Variants in ANKRD23 observed in about 807,000 individuals in gnomAD.
ANKRD23 encodes ankyrin repeat domain 23.
Under a neutral mutation model 38.1 loss-of-function variants are expected in ANKRD23, and 52 were observed. The observed-to-expected ratio is 1.36, with a 90% CI of 1.09 to 1.72. The LOEUF is 1.72. ANKRD23 is among the 40% of genes most tolerant of loss of function. The pLI is 0.00. For synonymous variants in ANKRD23, 167 were observed against 162.9 expected (o/e 1.03, Z -0.19); for missense variants, 416 against 400.2 (o/e 1.04, Z -0.34).
In ANKRD23 at chr2:96,840,764, C is replaced by T. The variant is rs772811646; in HGVS notation, c.426+23G>A. On this transcript the variant is annotated intron_variant, in intron 4 of 8. Transcript: ENST00000318357. Reference sequence around the variant, plus strand: ...CTCCTGCAGCTGCAGCTGCTGCCAGCCGACTCACCCAACCTGTGCTACCTT... The same window carrying T: ...CTCCTGCAGCTGCAGCTGCTGCCAGTCGACTCACCCAACCTGTGCTACCTT... 15 of 1,613,176 alleles carry T rather than the reference C, an allele frequency of 9.3e-6. No individual in the cohort carries two copies. In the South Asian group the frequency reaches 1.6e-4, roughly 18 times the overall value.
In ANKRD23 at chr2:96,842,426, C is replaced by G. The variant is rs199984935; in HGVS notation, c.113G>C (p.Arg38Thr). The change falls in exon 2 of 9, where the codon AGG becomes ACG. Residue 38 changes from arginine to threonine, a missense_variant. Transcript: ENST00000318357. ...CCGGGCCACAGCCTCTTGGGGGCCC[C>G]TCCTCCAGTCACTAGGCCAGGCTCC... ...DPGAWPSDWR[R>T]GPQEAVAREK... The G allele has an allele frequency of 6.2e-7, 1 of 1,614,088 alleles. No individual in the cohort carries two copies. The highest frequency in any genetic ancestry group is 1.3e-5 in the African/African-American group (1 of 74,988).
At chr2:96,841,985 C>T in intron 3 of ANKRD23, 75 bp downstream of exon 3, 1 of 1,599,450 alleles carries the variant, frequency 6.3e-7, no homozygotes, top group Non-Finnish European at 8.5e-7. Flanking sequence ...CTGCAGTGCC[C>T]ACTCTGCCCC....
intron 3 of ANKRD23, 116 bp downstream of exon 3, chr2:96,841,944 G>C: frequency 1.4e-6 from 2 of 1,463,726 alleles, no homozygotes; most frequent in South Asian, 2.5e-5. Context: ...GATTTAATGG[G>C]CTCCCCAGGC....
chr2:96,842,024 G>T, intron 3 of ANKRD23, 36 bp downstream of exon 3: 2 of 1,612,784 alleles, frequency 1.2e-6, no homozygotes, highest in Non-Finnish European at 1.7e-6. Context: ...TGGAGCCCTG[G>T]TGTGTGCACT....
chr2:96,839,451 A>G lies in ANKRD23; in HGVS notation c.*98T>C, dbSNP rs2079731430. 7.4e-7 allele frequency: 1 copy of G among 1,358,118 alleles called. No individual in the cohort carries two copies. Among genetic ancestry groups the G allele is most frequent in the East Asian group, 2.9e-5 (1 of 35,076 alleles). 84.1% of individuals were successfully genotyped at this position (1,358,118 alleles called of 1,614,324 possible). On this transcript the variant is annotated 3_prime_UTR_variant, in exon 9 of 9. Transcript: ENST00000318357. ...GGCACAGGCCAGAGAGGGAGGAACC[A>G]GGGCTGAGGGCAGGAACCACAGAGG...
At position 96,840,042 on chromosome 2, in the gene ANKRD23, C is replaced by T. The variant is rs1453608903; in HGVS notation, c.678G>A (p.Leu226=). ...VAVRTRHPDC[L]EHLIECGAHL... ...GGGCGCCACACTCGATGAGGTGCTC[C>T]AGGCAGTCGGGGTGCCGGGTGCGCA... The change falls in exon 7 of 9, where the codon CTG becomes CTA. Residue 226 remains leucine, a synonymous_variant. Transcript: ENST00000318357. 1 of 1,562,914 alleles carries T rather than the reference C, an allele frequency of 6.4e-7. No homozygotes were observed. Among genetic ancestry groups the T allele is most frequent in the Non-Finnish European group, 8.7e-7 (1 of 1,152,956 alleles).
At chr2:96,842,645 C>G in intron 1 of ANKRD23, 134 bp from the exon 2 acceptor site, 1 of 1,124,200 alleles carries the variant, frequency 8.9e-7, no homozygotes, top group Non-Finnish European at 1.2e-6. Flanking sequence ...GAGCCGGCCT[C>G]AAAGCTCCTG....
At chr2:96,841,713 C>T (rs2079763794) in intron 3 of ANKRD23, among the ~76,000 whole-genome samples, 1 of 152,010 alleles carries the variant, frequency 6.6e-6, no homozygotes, top group South Asian at 2.1e-4. Flanking sequence ...CATCTACAAG[C>T]CAAGGAACGC....
chr2:96,841,424 A>G (rs1360568197), intron 3 of ANKRD23, among the ~76,000 whole-genome samples: 2 of 151,768 alleles, frequency 1.3e-5, no homozygotes, highest in African/African-American at 2.4e-5. Context: ...GTGAAACCCC[A>G]TCTCTACTAA....
In ANKRD23 at chr2:96,839,172, A is replaced by G. The variant is rs2079727742; in HGVS notation, c.*377T>C. 6 of 1,024,720 alleles carry G rather than the reference A, an allele frequency of 5.9e-6. No individual in the cohort carries two copies. The highest frequency in any genetic ancestry group is 5.8e-6 in the Non-Finnish European group (5 of 856,320). 63.5% of individuals were successfully genotyped at this position (1,024,720 alleles called of 1,614,324 possible). A position where few individuals can be genotyped will look rare whatever the true frequency, so the allele number is the denominator to read the frequency against. ...AAGGCAAGCCCCCTAACCTGGGACA[A>G]GTGGACACTGAGGACTCCCAGACCC... On this transcript the variant is annotated 3_prime_UTR_variant, in exon 9 of 9. Coordinates refer to ENST00000318357, the MANE Select transcript of ANKRD23 (RefSeq NM_144994.8).
chr2:96,839,190 C>T lies in ANKRD23; in HGVS notation c.*359G>A, dbSNP rs1403613077. On this transcript the variant is annotated 3_prime_UTR_variant, in exon 9 of 9. Transcript: ENST00000318357. ...TGGGACAAGTGGACACTGAGGACTC[C>T]CAGACCCAGCCCTGGGTGGCTCCAG... 8.6e-6 allele frequency: 9 copies of T among 1,044,988 alleles called. No homozygotes were observed. The East Asian group carries it at 6.0e-4, about 70-fold the overall frequency. The allele number at this position is 1,044,988 out of a possible 1,614,324, so 64.7% of individuals were successfully genotyped here.
intron 1 of ANKRD23, among the ~76,000 whole-genome samples, chr2:96,843,658 T>A (rs1303697745): frequency 6.6e-6 from 1 of 152,024 alleles, no homozygotes; most frequent in African/African-American, 2.4e-5. Context: ...CCACCTCACA[T>A]GAGAACCGAG....
chr2:96,840,803 G>A lies in ANKRD23; in HGVS notation c.410C>T (p.Pro137Leu). 1 of 1,614,186 alleles carries A rather than the reference G, an allele frequency of 6.2e-7. No individual in the cohort carries two copies. The highest frequency in any genetic ancestry group is 8.5e-7 in the Non-Finnish European group (1 of 1,180,048). The change falls in exon 4 of 9, where the codon CCC (proline) becomes CTC (leucine). Residue 137 changes from proline to leucine, a missense_variant. Physicochemically the swap from Pro to Leu is moderately conservative, Grantham distance 98. Coordinates refer to ENST00000318357, the MANE Select transcript of ANKRD23 (RefSeq NM_144994.8). ...IDKYLTDGGD[P>L]NAHDKLHRTA... ...CTGTGCTACCTTGTCATGGGCATTG[G>A]GGTCCCCTCCGTCTGTCAAGTACTT...
chr2:96,839,561 G>A lies in ANKRD23; in HGVS notation c.906C>T (p.Arg302=), dbSNP rs778759680. Residue 302 remains arginine, a synonymous_variant, in exon 9 of 9, where the codon CGC becomes CGT. Transcript: ENST00000318357. ...EALQAHVAHP[R]TRC ...GGCGGTGCTGCGGTCAGCACCGGGTGCGGGGATGCGCCACGTGGGCCTGCA... is the reference window on the plus strand; with the variant it reads ...GGCGGTGCTGCGGTCAGCACCGGGTACGGGGATGCGCCACGTGGGCCTGCA... The A allele has an allele frequency of 2.1e-6, 3 of 1,460,498 alleles. No homozygotes were observed. The African/African-American group carries it at 4.3e-5, about 21-fold the overall frequency. The allele number at this position is 1,460,498 out of a possible 1,614,324, so 90.5% of individuals were successfully genotyped here.
chr2:96,843,856 C>A, intron 1 of ANKRD23, 110 bp downstream of exon 1: 2 of 1,093,216 alleles, frequency 1.8e-6, no homozygotes, highest in Non-Finnish European at 1.3e-6. Context: ...CTTCCCTGCA[C>A]CTAAGACTTG....
chr2:96,839,612 G>A lies in ANKRD23; in HGVS notation c.855C>T (p.Asp285=). ...GGGCCTCCCGGATGCCGCGCTGCCA[G>A]TCTCGAGCCAGCTGCACCGGGGTCA... ...ASVTPVQLAR[D]WQRGIREALQ... Residue 285 remains aspartate, a synonymous_variant, in exon 9 of 9, where the codon GAC becomes GAT. Transcript: ENST00000318357. The A allele has an allele frequency of 6.7e-7, 1 of 1,498,242 alleles. No homozygotes were observed. The highest frequency in any genetic ancestry group is 1.3e-5 in the South Asian group (1 of 75,390). 92.8% of individuals were successfully genotyped at this position (1,498,242 alleles called of 1,614,324 possible).
chr2:96,841,150 C>A, intron 3 of ANKRD23: 1 of 480,028 alleles, frequency 2.1e-6, no homozygotes, highest in Non-Finnish European at 3.7e-6. Flanking sequence ...AAGTACTAAC[C>A]CCAGGTACCT....
intron 7 of ANKRD23, 34 bp downstream of exon 7, chr2:96,839,963 G>A: frequency 6.4e-7 from 1 of 1,551,198 alleles, no homozygotes; most frequent in South Asian, 1.2e-5. Flanking sequence ...CTCTGGAGCT[G>A]TCCGAGCCGG....
intron 3 of ANKRD23, chr2:96,841,133 T>A (rs1460764344): frequency 1.9e-6 from 1 of 535,266 alleles, no homozygotes; most frequent in Non-Finnish European, 3.3e-6. Context: ...TCCCCAAGAT[T>A]CGTATGAAGT....
Sources: allele counts gnomAD v4.1 joint callset (sites outside exome capture counted in the v4.1 genomes callset), GRCh38; gene constraint gnomAD v4.1.1; transcripts MANE v1.5; gene names NCBI Gene and HGNC (gene_info 2026-07-23, HGNC 2026-07-21).